SYNE2: variants seen among roughly 807,000 people sequenced by gnomAD.
The protein encoded by SYNE2 is spectrin repeat containing nuclear envelope protein 2, also known as nesprin-2.
In SYNE2, 431 loss-of-function variants were observed where a neutral mutation model predicts 856.3. The ratio of observed to expected loss-of-function variants is 0.50; its 90% CI spans 0.47 to 0.55. SYNE2 has a LOEUF of 0.55. Among genes scored for constraint, SYNE2 ranks in the 20% least tolerant of loss-of-function variants. SYNE2 has a pLI of 0.00. For missense variants in SYNE2, 8,129 were observed against 8,023.2 expected, an observed-to-expected ratio of 1.01 and a Z score of -0.50; for synonymous variants, 2,923 against 2,872.3, an observed-to-expected ratio of 1.02 and a Z score of -0.56.
At position 64,113,469 on chromosome 14, in the gene SYNE2, C is replaced by G; in HGVS notation, c.12738C>G (p.Ala4246=). The G allele has an allele frequency of 6.2e-7, 1 of 1,614,100 alleles. No individual in the cohort carries two copies. The highest frequency in any genetic ancestry group is 8.5e-7 in the Non-Finnish European group (1 of 1,180,014). ...TGCATGCCTGCAAGACCCAGGTGGC[C>G]GAGCTGGAGCTGTGGCTGCAACAAG... The part of the protein sequence containing the change: ...EVLHACKTQV[A]ELELWLQQAN... The change falls in exon 66 of 116, where the codon GCC becomes GCG. Residue 4246 remains alanine, a synonymous_variant. Transcript: ENST00000555002.
At chr14:64,010,977 G>C (rs2096840307) in intron 32 of SYNE2, among the ~76,000 whole-genome samples, 1 of 152,178 alleles carries the variant, frequency 6.6e-6, no homozygotes, top group African/African-American at 2.4e-5. Context: ...CTAAAGTGCT[G>C]TCAGGGTGTT....
In SYNE2 at chr14:63,986,494, A is replaced by G. The variant is rs374751877; in HGVS notation, c.2190A>G (p.Thr730=). Residue 730 remains threonine, a synonymous_variant, in exon 19 of 116, where the codon ACA becomes ACG. Transcript: ENST00000555002. The part of the protein sequence containing the change: ...EKHEKENEEF[T]GQLKVAKDVE... ...ATGAAAAAGAAAATGAAGAATTCAC[A>G]GGGCAACTAAAAGTGGCTAAAGATG... The G allele has an allele frequency of 1.3e-4, 208 of 1,614,062 alleles. 2 individuals are homozygous for G. Among genetic ancestry groups the G allele is most frequent in the Admixed American group, 1.5e-4 (9 of 60,008 alleles).
chr14:64,030,696 CTAT>C (rs1163706912), intron 44 of SYNE2, among the ~76,000 whole-genome samples: 9 of 152,112 alleles, frequency 5.9e-5, no homozygotes, highest in African/African-American at 1.7e-4. Context: ...TAATAGGCAC[CTAT>C]TATTCAGTGT....
At chr14:64,069,487 C>T (rs760045727) in intron 51 of SYNE2, among the ~76,000 whole-genome samples, 8 of 152,090 alleles carry the variant, frequency 5.3e-5, no homozygotes, top group Non-Finnish European at 1.0e-4. Context: ...GTCATACAGC[C>T]CAAACAGCAG....
intron 1 of SYNE2, among the ~76,000 whole-genome samples, chr14:63,795,544 C>T (rs994427233): frequency 6.6e-6 from 1 of 152,114 alleles, no homozygotes; most frequent in African/African-American, 2.4e-5. Flanking sequence ...CATACACACC[C>T]TATTAGTTCT....
intron 45 of SYNE2, among the ~76,000 whole-genome samples, chr14:64,036,140 T>G (rs2097088058): frequency 6.6e-6 from 1 of 151,988 alleles, no homozygotes; most frequent in African/African-American, 2.4e-5. Context: ...CATGGATACC[T>G]TGTCATATAA....
At chr14:64,155,165 C>T (rs999480306) in intron 85 of SYNE2, among the ~76,000 whole-genome samples, 12 of 152,256 alleles carry the variant, frequency 7.9e-5, no homozygotes, top group African/African-American at 2.9e-4. Context: ...AAAACTTATA[C>T]GTGAATATTC....
chr14:64,146,169 T>C lies in SYNE2; in HGVS notation c.15585T>C (p.Thr5195=). ...AAGCACAAGAAGAGAGACTGAAAACTTTACAAAAACCTGAAAGTGTGATCT... is the reference window on the plus strand; with the variant it reads ...AAGCACAAGAAGAGAGACTGAAAACCTTACAAAAACCTGAAAGTGTGATCT... The part of the protein sequence containing the change: ...WLEAQEERLK[T]LQKPESVISV... Residue 5195 remains threonine (T), a synonymous_variant, in exon 84 of 116, where the codon ACT becomes ACC. Coordinates refer to ENST00000555002, the MANE Select transcript of SYNE2 (RefSeq NM_182914.3). 1 of 1,612,778 alleles carries C rather than the reference T, an allele frequency of 6.2e-7. No homozygotes were observed. Among genetic ancestry groups the C allele is most frequent in the Admixed American group, 1.7e-5 (1 of 59,708 alleles).
At position 64,168,958 on chromosome 14, in the gene SYNE2, G is replaced by A; in HGVS notation, c.16987G>A (p.Glu5663Lys). ...GTCCTTACAACTCCTGGACACAACA[G>A]AAATAGAGAACAGGTGAGCTGTCTG... ...TQSLQLLDTT[E>K]IENRPEFITE... is the part of the protein sequence containing the mutation. Residue 5663 changes from glutamate (E) to lysine (K), a missense_variant, in exon 93 of 116, where the codon GAA becomes AAA. By Grantham distance (56) the Glu-to-Lys change is moderately conservative (BLOSUM62 1). Coordinates refer to ENST00000555002, the MANE Select transcript of SYNE2 (RefSeq NM_182914.3). 6.8e-6 allele frequency: 11 copies of A among 1,613,644 alleles called. No homozygotes were observed. The highest frequency in any genetic ancestry group is 9.3e-6 in the Non-Finnish European group (11 of 1,179,572).
intron 1 of SYNE2, among the ~76,000 whole-genome samples, chr14:63,795,201 C>T (rs545746840): frequency 7.9e-5 from 12 of 152,280 alleles, no homozygotes; most frequent in African/African-American, 2.9e-4. Context: ...AGGAGATTAA[C>T]ATTTGACTCA....
At chr14:63,974,882 GTGTGTGTGTGTATATATATATA>G (rs2096525349) in intron 11 of SYNE2, among the ~76,000 whole-genome samples, 1 of 27,132 alleles carries the variant, frequency 3.7e-5, no homozygotes, top group African/African-American at 1.3e-4. Flanking sequence ...GTGTGTGTGT[GTGTGTGTGTGTATATATATATA>G]TATATATATA....
At chr14:63,869,481 G>A (rs1485796943) in intron 1 of SYNE2, among the ~76,000 whole-genome samples, 3 of 151,836 alleles carry the variant, frequency 2.0e-5, no homozygotes, top group South Asian at 2.1e-4. Context: ...AATTAGCCGG[G>A]CGTGGTGGCG....
Position 64,167,594 on chromosome 14 carries a change from G to A in SYNE2, c.16860G>A (p.Val5620=), listed in dbSNP as rs202098191. Residue 5620 remains valine (V), a synonymous_variant, in exon 92 of 116, where the codon GTG becomes GTA. Coordinates refer to ENST00000555002, the MANE Select transcript of SYNE2 (RefSeq NM_182914.3). ...TAGAAGAAGCACTCAAAGTGGATGTGGCTAACAGCCTTCCTGAGCTCCTGG... is the reference window on the plus strand; with the variant it reads ...TAGAAGAAGCACTCAAAGTGGATGTAGCTAACAGCCTTCCTGAGCTCCTGG... ...EKIEEALKVD[V]ANSLPELLEQ... 1.2e-6 allele frequency: 2 copies of A among 1,614,182 alleles called. No individual in the cohort carries two copies. The highest frequency in any genetic ancestry group is 4.5e-5 in the East Asian group (2 of 44,888).
chr14:63,853,377 C>T (rs573011248), intron 1 of SYNE2, among the ~76,000 whole-genome samples: 2 of 151,714 alleles, frequency 1.3e-5, no homozygotes, highest in Admixed American at 1.3e-4. Flanking sequence ...GCGGGGCGCT[C>T]CGGGGATTGG....
At chr14:64,056,572 A>C (rs1052278628) in intron 49 of SYNE2, among the ~76,000 whole-genome samples, 2 of 152,018 alleles carry the variant, frequency 1.3e-5, no homozygotes, top group African/African-American at 4.8e-5. Flanking sequence ...ATATCTTTGT[A>C]CCCAAAAGGA....
chr14:64,146,411 G>A (rs183791147), intron 84 of SYNE2, among the ~76,000 whole-genome samples, 188 bp downstream of exon 84: 34 of 152,280 alleles, frequency 2.2e-4, no homozygotes, highest in African/African-American at 7.9e-4. Context: ...CGTTTTTTAT[G>A]ATAAACAGAA....
At chr14:63,801,953 TAAG>T (rs1176092418) in intron 1 of SYNE2, among the ~76,000 whole-genome samples, 7 of 152,000 alleles carry the variant, frequency 4.6e-5, no homozygotes, top group African/African-American at 1.4e-4. Context: ...TTATTCATCT[TAAG>T]AAGGTCTTTT....
In SYNE2 at chr14:64,142,067, A is replaced by T; in HGVS notation, c.15285A>T (p.Lys5095Asn). 2 of 1,614,158 alleles carry T rather than the reference A, an allele frequency of 1.2e-6. No individual in the cohort carries two copies. The highest frequency in any genetic ancestry group is 1.7e-6 in the Non-Finnish European group (2 of 1,180,008). ...CACCAAGTTCTGCATCTCAAGTTAA[A>T]CATCTTCTTCAGAAGCACAAGGTAA... ...VHSPSSASQV[K>N]HLLQKHKEFR... The change falls in exon 82 of 116, where the codon AAA becomes AAT. Residue 5095 changes from lysine (K) to asparagine (N), a missense_variant. This residue lies in a region of SYNE2 where 5,410 missense variants were observed against 5,284.8 expected (regional missense o/e 1.02). Coordinates refer to ENST00000555002, the MANE Select transcript of SYNE2 (RefSeq NM_182914.3).
intron 45 of SYNE2, among the ~76,000 whole-genome samples, chr14:64,040,597 A>AATATATATATATATATATATGTAT (rs3031304): frequency 1.4e-5 from 2 of 142,534 alleles, no homozygotes; most frequent in East Asian, 2.0e-4. Flanking sequence ...TGAGGTTAAA[A>AATATATATATATATATATATGTAT]ATATATATAT....
Sources: allele counts gnomAD v4.1 joint callset (sites outside exome capture counted in the v4.1 genomes callset), GRCh38; gene constraint gnomAD v4.1.1; regional missense constraint gnomAD v4.1.1; transcripts MANE v1.5; gene names NCBI Gene and HGNC (gene_info 2026-07-23, HGNC 2026-07-21).